EPHA6: variants seen among roughly 807,000 people sequenced by gnomAD.
EPHA6 encodes ephrin type-A receptor 6.
EPHA6 carries 50 observed loss-of-function variants against 112.0 expected under a neutral mutation model. The observed-to-expected ratio is 0.45, with a 90% CI of 0.36 to 0.56. The LOEUF (loss-of-function observed/expected upper bound fraction) is 0.56. EPHA6 is among the 20% of genes least tolerant of loss of function. The pLI, the probability that EPHA6 is intolerant of heterozygous loss-of-function variation, is 0.00. For synonymous variants in EPHA6, 529 were observed against 490.7 expected (o/e 1.08, Z -1.03); for missense variants, 1,280 against 1,417.4 (o/e 0.90, Z 1.56).
chr3:97,034,264 C>T (rs2044996427), intron 3 of EPHA6, among the ~76,000 whole-genome samples: 1 of 151,810 alleles, frequency 6.6e-6, no homozygotes, highest in Non-Finnish European at 1.5e-5. Flanking sequence ...ACAGTTTGAT[C>T]TTAGTGATGA....
rs200191899 is a variant in EPHA6, at chr3:97,279,894, G to GT, written c.1606+35615dup. Among the ~76,000 whole-genome samples the GT allele has an allele frequency of 6.6e-3, 1,009 of 151,734 alleles. 13 individuals are homozygous for GT. Among genetic ancestry groups the GT allele is most frequent in the African/African-American group, 0.022 (929 of 41,368 alleles). ...TTTTTCTTGTTGTTCGTTTGTTTTT[G>GT]TTTTTTTTGAGACAGAGTCTTGCTC... On this transcript the variant is annotated intron_variant, in intron 5 of 17. Coordinates refer to ENST00000389672, the MANE Select transcript of EPHA6 (RefSeq NM_001080448.3).
At chr3:96,874,570 A>C (rs1649596752) in intron 2 of EPHA6, among the ~76,000 whole-genome samples, 1 of 152,110 alleles carries the variant, frequency 6.6e-6, no homozygotes, top group Admixed American at 6.6e-5. Context: ...TTCTAAAGTA[A>C]ATTGTCCAGG....
intron 5 of EPHA6, among the ~76,000 whole-genome samples, chr3:97,336,542 GT>G (rs1178395911): frequency 1.3e-5 from 2 of 152,128 alleles, no homozygotes; most frequent in Admixed American, 1.3e-4. Context: ...CCTTAGTTCT[GT>G]ATTTGGCATA....
chr3:97,644,665 C>T (rs536807744), intron 14 of EPHA6, among the ~76,000 whole-genome samples: 23 of 150,380 alleles, frequency 1.5e-4, no homozygotes, highest in Admixed American at 7.3e-4. Context: ...AACACCTCTA[C>T]GCAAATAAAC....
chr3:97,599,864 G>T (rs934318121), intron 12 of EPHA6, among the ~76,000 whole-genome samples: 1 of 152,124 alleles, frequency 6.6e-6, no homozygotes, highest in African/African-American at 2.4e-5. Flanking sequence ...GAGCAGTATG[G>T]CCATGTTCAT....
chr3:96,826,115 T>C (rs1011391468), intron 1 of EPHA6, among the ~76,000 whole-genome samples: 3 of 151,930 alleles, frequency 2.0e-5, no homozygotes, highest in African/African-American at 7.2e-5. Context: ...TTATACAGTA[T>C]CTAGCATATA....
chr3:96,902,322 T>A (rs1240868559), intron 2 of EPHA6, among the ~76,000 whole-genome samples: 5 of 152,070 alleles, frequency 3.3e-5, no homozygotes, highest in African/African-American at 1.2e-4. Context: ...AAACATGAAA[T>A]TTTTTCCCAA....
chr3:97,345,104 A>G (rs1043354596), intron 5 of EPHA6, among the ~76,000 whole-genome samples: 1 of 152,164 alleles, frequency 6.6e-6, no homozygotes, highest in African/African-American at 2.4e-5. Context: ...TCCAACCAAC[A>G]TACGTACTAT....
At chr3:97,591,223 A>G (rs1310125709) in intron 11 of EPHA6, among the ~76,000 whole-genome samples, 1 of 152,208 alleles carries the variant, frequency 6.6e-6, no homozygotes, top group African/African-American at 2.4e-5. Flanking sequence ...ACACATTGTA[A>G]CTTTGCTCTT....
At chr3:97,202,028 G>T (rs1576672783) in intron 3 of EPHA6, among the ~76,000 whole-genome samples, 1 of 152,052 alleles carries the variant, frequency 6.6e-6, no homozygotes, top group East Asian at 1.9e-4. Flanking sequence ...ACATCTGAGG[G>T]TTCTATGTGA....
chr3:97,316,340 T>C (rs2081835268), intron 5 of EPHA6, among the ~76,000 whole-genome samples: 1 of 151,830 alleles, frequency 6.6e-6, no homozygotes, highest in African/African-American at 2.4e-5. Flanking sequence ...AGTCTTAAGA[T>C]GAAAACACTC....
chr3:96,959,333 T>A (rs544821473), intron 2 of EPHA6, among the ~76,000 whole-genome samples: 7 of 152,300 alleles, frequency 4.6e-5, no homozygotes, highest in African/African-American at 1.4e-4. Flanking sequence ...TTCAAATTAT[T>A]TGCCCATGTT....
At chr3:97,410,217 GT>G in intron 6 of EPHA6, among the ~76,000 whole-genome samples, 1 of 151,970 alleles carries the variant, frequency 6.6e-6, no homozygotes, top group East Asian at 1.9e-4. Context: ...TCTCAATATA[GT>G]TTTTCCACAG....
chr3:97,407,347 A>AACACACACACACAC (rs34259097), intron 6 of EPHA6, among the ~76,000 whole-genome samples: 1,743 of 147,330 alleles, frequency 0.012, 37 homozygotes, highest in African/African-American at 0.041. Flanking sequence ...ACTGAAATTA[A>AACACACACACACAC]ACACACACAC....
intron 10 of EPHA6, among the ~76,000 whole-genome samples, chr3:97,512,213 A>T (rs2092377612): frequency 6.6e-6 from 1 of 152,192 alleles, no homozygotes; most frequent in Non-Finnish European, 1.5e-5. Context: ...AAATAAGATC[A>T]CATTAAAATG....
Position 97,168,405 on chromosome 3 carries a change from G to A in EPHA6, c.1115-57859G>A, listed in dbSNP as rs1043998352. 1.5e-4 allele frequency among the ~76,000 whole-genome samples: 23 copies of A among 152,170 alleles called. No homozygotes were observed. In the South Asian group the frequency reaches 4.6e-3, roughly 30 times the overall value. On this transcript the variant is annotated intron_variant, in intron 3 of 17. Coordinates refer to ENST00000389672, the MANE Select transcript of EPHA6 (RefSeq NM_001080448.3). Reference sequence around the variant, plus strand: ...ATCGTGGGGGTGGTTTCTAGTGCTGGAGGACCATCCCCCTAGTGCTGTCTC... The same window carrying A: ...ATCGTGGGGGTGGTTTCTAGTGCTGAAGGACCATCCCCCTAGTGCTGTCTC...
chr3:97,685,339 CATTT>C (rs1198700493), intron 14 of EPHA6, among the ~76,000 whole-genome samples: 1 of 152,138 alleles, frequency 6.6e-6, no homozygotes, highest in African/African-American at 2.4e-5. Context: ...AAAGACTTTG[CATTT>C]ATTTATTTCT....
chr3:97,480,054 T>A (rs1190505176), intron 9 of EPHA6, among the ~76,000 whole-genome samples: 2 of 152,158 alleles, frequency 1.3e-5, no homozygotes, highest in Non-Finnish European at 2.9e-5. Context: ...AGAGATAATA[T>A]GCAAGGCAAC....
intron 3 of EPHA6, among the ~76,000 whole-genome samples, chr3:97,197,603 A>G (rs2077474244): frequency 6.6e-6 from 1 of 151,682 alleles, no homozygotes; most frequent in Admixed American, 6.6e-5. Flanking sequence ...GAAAGAAGGA[A>G]TCTCTCAGAA....
Sources: gnomAD v4.1 joint callset for allele counts (sites outside exome capture counted in the v4.1 genomes callset) on GRCh38, gnomAD v4.1.1 for gene constraint, MANE v1.5 for transcripts, NCBI Gene and HGNC (gene_info 2026-07-23, HGNC 2026-07-21) for gene names.